The following ZFP69 variants were observed in gnomAD, a reference collection of about 807,000 sequenced individuals.
ZFP69 encodes zinc finger protein 69 homolog.
A neutral mutation model predicts 48.9 loss-of-function variants in ZFP69; 35 were observed. The observed-to-expected ratio is 0.72, with a 90% confidence interval of 0.55 to 0.95. The LOEUF (loss-of-function observed/expected upper bound fraction) is 0.95, where lower values mean the gene tolerates loss of function less well. Among genes scored for constraint, ZFP69 ranks in the 40% least tolerant of loss-of-function variants. The probability of loss-of-function intolerance (pLI) is 0.00; values close to 1 mark genes in which losing one functional copy is unlikely to be tolerated. For missense variants in ZFP69, 557 were observed against 638.4 expected, an observed-to-expected ratio of 0.87 and a Z score of 1.37; for synonymous variants, 193 against 216.8, an observed-to-expected ratio of 0.89 and a Z score of 0.96.
intron 5 of ZFP69, among the ~76,000 whole-genome samples, chr1:40,489,866 C>CTTTTTTTTTTTT (rs374820239): frequency 3.6e-4 from 41 of 115,396 alleles, no homozygotes; most frequent in Non-Finnish European, 5.2e-4. Flanking sequence ...TTTTCTTTTT[C>CTTTTTTTTTTTT]TTTTTTTTTT....
intron 5 of ZFP69, chr1:40,493,452 G>A (rs1357072331): frequency 6.6e-6 from 1 of 152,092 alleles, no homozygotes; most frequent in African/African-American, 2.4e-5. Flanking sequence ...TTCCATTGAT[G>A]ATCCCGTTCC....
chr1:40,481,808 G>A lies in ZFP69; in HGVS notation c.173G>A (p.Ser58Asn). ...DAEDVKTQRESLEDEVTPGLP... is the reference protein window; with the variant it reads ...DAEDVKTQRENLEDEVTPGLP... Reference sequence around the variant, plus strand: ...GAGGACGTAAAGACCCAGAGAGAAAGTTTAGAGGATGAAGTGACCCCTGGA... The same window carrying A: ...GAGGACGTAAAGACCCAGAGAGAAAATTTAGAGGATGAAGTGACCCCTGGA... The change falls in exon 3 of 6, where the codon AGT becomes AAT. Residue 58 changes from serine (S) to asparagine (N), a missense_variant. Transcript: ENST00000372706. 1 of 1,613,276 alleles carries A rather than the reference G, an allele frequency of 6.2e-7. No homozygotes were observed. Among genetic ancestry groups the A allele is most frequent in the Non-Finnish European group, 8.5e-7 (1 of 1,179,442 alleles).
intron 3 of ZFP69, among the ~76,000 whole-genome samples, chr1:40,482,148 C>G (rs1645449327): frequency 6.6e-6 from 1 of 151,240 alleles, no homozygotes; most frequent in African/African-American, 2.4e-5. Context: ...AATTCTAGCC[C>G]CTAAAAACCA....
At chr1:40,494,768 TTTC>T (rs943220424) in intron 5 of ZFP69, among the ~76,000 whole-genome samples, 150 bp from the exon 6 acceptor site, 16 of 149,442 alleles carry the variant, frequency 1.1e-4, no homozygotes, top group Middle Eastern at 3.6e-3. Context: ...CTGTTCACTG[TTTC>T]TTAATTTCCT....
Position 40,494,520 on chromosome 1 carries a change from G to A in ZFP69, c.443-401G>A, listed in dbSNP as rs568592686. ...CCTGACCTCGTGATCCGCCCGCCTC[G>A]GCCTCCCAAAGTGCTGGGATTACAG... On this transcript the variant is annotated intron_variant, in intron 5 of 5. Coordinates refer to ENST00000372706, the MANE Select transcript of ZFP69 (RefSeq NM_001320179.2). Among the ~76,000 whole-genome samples the A allele has an allele frequency of 7.0e-4, 102 of 146,412 alleles. 1 individual carries two copies. In the East Asian group the frequency reaches 0.015, roughly 21 times the overall value.
At position 40,479,508 on chromosome 1, in the gene ZFP69, G is replaced by A. The variant is rs568090917; in HGVS notation, c.127+20G>A. ...GAGAAGGTGAGAATGGACTGATGGA[G>A]GGGGAAGAAGGGGATCTCATTTGTG... On this transcript the variant is annotated intron_variant, in intron 2 of 5. Transcript: ENST00000372706. 21 of 1,599,524 alleles carry A rather than the reference G, an allele frequency of 1.3e-5. No homozygotes were observed. The African/African-American group carries it at 2.4e-4, about 18-fold the overall frequency.
chr1:40,493,947 A>C (rs1226639658), intron 5 of ZFP69, among the ~76,000 whole-genome samples: 1 of 152,192 alleles, frequency 6.6e-6, no homozygotes, highest in East Asian at 1.9e-4. Context: ...GTTTCTTACA[A>C]GTCTCCTTTG....
chr1:40,489,005 T>C (rs1319007278), intron 3 of ZFP69, 83 bp from the exon 4 acceptor site: 1 of 1,569,596 alleles, frequency 6.4e-7, no homozygotes, highest in East Asian at 2.3e-5. Context: ...TTAGAATCTC[T>C]CAGAATTTAG....
chr1:40,486,904 T>C (rs1645505978), intron 3 of ZFP69, among the ~76,000 whole-genome samples: 1 of 151,576 alleles, frequency 6.6e-6, no homozygotes, highest in Non-Finnish European at 1.5e-5. Flanking sequence ...TTTTCACTTG[T>C]AGAATTTTCA....
At chr1:40,486,690 A>G (rs56322143) in intron 3 of ZFP69, among the ~76,000 whole-genome samples, 70,412 of 151,550 alleles carry the variant, frequency 0.46, 17,584 homozygotes, top group African/African-American at 0.63. Flanking sequence ...CCAAAGTGCT[A>G]GGATTACAGG....
At position 40,496,290 on chromosome 1, in the gene ZFP69, A is replaced by G. The variant is rs1645634899; in HGVS notation, c.*231A>G. On this transcript the variant is annotated 3_prime_UTR_variant, in exon 6 of 6. Transcript: ENST00000372706. Reference sequence around the variant, plus strand: ...ATGAATTCAGCATTATGAAAAATTCATAACAGTTTTTTTCTGATTTCATGG... The same window carrying G: ...ATGAATTCAGCATTATGAAAAATTCGTAACAGTTTTTTTCTGATTTCATGG... 2 of 376,648 alleles carry G rather than the reference A, an allele frequency of 5.3e-6. No individual in the cohort carries two copies. Among genetic ancestry groups the G allele is most frequent in the South Asian group, 8.8e-5 (1 of 11,366 alleles). The allele number at this position is 376,648 out of a possible 1,614,324, so 23.3% of individuals were successfully genotyped here.
Position 40,495,134 on chromosome 1 carries a change from G to T in ZFP69, c.656G>T (p.Arg219Ile), listed in dbSNP as rs138445280. ...VRQAILTHKK[R>I]VQETNKFGEN... ...CAAGCCATCTTGACCCATAAGAAGA[G>T]AGTCCAAGAAACTAACAAATTTGGG... Residue 219 changes from arginine to isoleucine, a missense_variant, in exon 6 of 6, where the codon AGA becomes ATA. Coordinates refer to ENST00000372706, the MANE Select transcript of ZFP69 (RefSeq NM_001320179.2). 6.2e-6 allele frequency: 10 copies of T among 1,614,038 alleles called. No individual in the cohort carries two copies. Among genetic ancestry groups the T allele is most frequent in the Non-Finnish European group, 8.5e-6 (10 of 1,179,994 alleles).
Position 40,479,356 on chromosome 1 carries a change from G to A in ZFP69, c.-6G>A. ...AGAAGTGGACAAGTCCAGTAAGGCA[G>A]GCATCATGCCACAGCAGCTCCTGAT... On this transcript the variant is annotated 5_prime_UTR_variant, in exon 2 of 6. Coordinates refer to ENST00000372706, the MANE Select transcript of ZFP69 (RefSeq NM_001320179.2). The A allele has an allele frequency of 6.2e-7, 1 of 1,613,482 alleles. No homozygotes were observed. Among genetic ancestry groups the A allele is most frequent in the Non-Finnish European group, 8.5e-7 (1 of 1,179,688 alleles).
intron 3 of ZFP69, among the ~76,000 whole-genome samples, chr1:40,484,725 G>T (rs113701724): frequency 6.7e-6 from 1 of 149,258 alleles, no homozygotes; most frequent in Non-Finnish European, 1.5e-5. Context: ...CTACAGGCGC[G>T]TGCCACCACA....
chr1:40,486,408 T>TCCTC (rs1166356066), intron 3 of ZFP69, among the ~76,000 whole-genome samples: 1 of 140,442 alleles, frequency 7.1e-6, no homozygotes, highest in Non-Finnish European at 1.6e-5. Context: ...CTCCCTCCTT[T>TCCTC]CCTCCCTCCC....
chr1:40,495,667 C>T lies in ZFP69; in HGVS notation c.1189C>T (p.His397Tyr), dbSNP rs753638413. The T allele has an allele frequency of 4.3e-6, 7 of 1,614,084 alleles. No individual in the cohort carries two copies. Among genetic ancestry groups the T allele is most frequent in the South Asian group, 2.2e-5 (2 of 91,090 alleles). ...TGGGAAAACCTTTAGACAGATTAGA[C>T]ACCTTAGTGAACATATAAGAATTCA... Reference protein sequence around the residue: ...ECGKTFRQIRHLSEHIRIHTG... With the variant: ...ECGKTFRQIRYLSEHIRIHTG... Residue 397 changes from histidine to tyrosine, a missense_variant, in exon 6 of 6, where the codon CAC (histidine) becomes TAC (tyrosine). Physicochemically the swap from His to Tyr is moderately conservative, Grantham distance 83. Coordinates refer to ENST00000372706, the MANE Select transcript of ZFP69 (RefSeq NM_001320179.2).
chr1:40,481,610 C>T (rs56190382), intron 2 of ZFP69, among the ~76,000 whole-genome samples, 153 bp from the exon 3 acceptor site: 9,079 of 150,814 alleles, frequency 0.06, 383 homozygotes, highest in African/African-American at 0.11. Context: ...GTCCTCCTCA[C>T]TAAGGAGGCT....
intron 1 of ZFP69, among the ~76,000 whole-genome samples, chr1:40,478,121 G>GACACACACACACAC (rs1645407588): frequency 9.3e-6 from 1 of 107,640 alleles, no homozygotes; most frequent in South Asian, 3.6e-4. Context: ...TCTGCATATA[G>GACACACACACACAC]TCACACACAC....
intron 2 of ZFP69, among the ~76,000 whole-genome samples, chr1:40,481,398 T>C (rs1645441654): frequency 6.6e-6 from 1 of 152,146 alleles, no homozygotes; most frequent in South Asian, 2.1e-4. Flanking sequence ...GATTTTTCCT[T>C]CTTGTCAGTG....
Sources: allele counts gnomAD v4.1 joint callset (sites outside exome capture counted in the v4.1 genomes callset), GRCh38; gene constraint gnomAD v4.1.1; transcripts MANE v1.5; gene names NCBI Gene and HGNC (gene_info 2026-07-23, HGNC 2026-07-21).